Variants in DLC1 observed in about 807,000 individuals in gnomAD.
DLC1 encodes the protein DLC1 Rho GTPase activating protein, also known as rho GTPase-activating protein 7.
In DLC1, 54 loss-of-function variants were observed where a neutral mutation model predicts 140.3. The observed-to-expected ratio is 0.38, with a 90% CI of 0.31 to 0.48. The LOEUF (loss-of-function observed/expected upper bound fraction) is 0.48. DLC1 is among the 20% of genes least tolerant of loss of function. The pLI is 0.96. For missense variants in DLC1, 2,536 were observed against 1,907.0 expected (o/e 1.33, Z -6.14); for synonymous variants, 986 against 728.1 (o/e 1.35, Z -5.70).
intron 5 of DLC1, among the ~76,000 whole-genome samples, chr8:13,131,265 G>T (rs1430938808): frequency 6.6e-6 from 1 of 152,080 alleles, no homozygotes; most frequent in African/African-American, 2.4e-5. Context: ...TCTTGGAGCT[G>T]CTGATAGATT....
At chr8:13,236,397 T>C (rs1253342222) in intron 5 of DLC1, among the ~76,000 whole-genome samples, 3 of 152,108 alleles carry the variant, frequency 2.0e-5, no homozygotes, top group Admixed American at 6.5e-5. Flanking sequence ...ATTATGAGAT[T>C]CTATCTGTTC....
chr8:13,305,951 C>T (rs900163357), intron 4 of DLC1, among the ~76,000 whole-genome samples: 1 of 152,160 alleles, frequency 6.6e-6, no homozygotes, highest in Non-Finnish European at 1.5e-5. Flanking sequence ...GAAGCAAATT[C>T]GTTAGTTTCT....
At chr8:13,228,669 C>T (rs1441428033) in intron 5 of DLC1, among the ~76,000 whole-genome samples, 1 of 152,176 alleles carries the variant, frequency 6.6e-6, no homozygotes, top group Non-Finnish European at 1.5e-5. Flanking sequence ...AAGATTGCTT[C>T]AGCCCAGGAG....
At chr8:13,462,396 CTTTTT>C (rs869264457) in intron 2 of DLC1, among the ~76,000 whole-genome samples, 1 of 131,116 alleles carries the variant, frequency 7.6e-6, no homozygotes. Flanking sequence ...CATTACTATT[CTTTTT>C]TTTTTTTTTT....
At chr8:13,555,382 A>G (rs1804006607) in intron 1 of DLC1, among the ~76,000 whole-genome samples, 1 of 152,200 alleles carries the variant, frequency 6.6e-6, no homozygotes, top group African/African-American at 2.4e-5. Context: ...AAAAGACAAG[A>G]TAGCCATAGC....
intron 5 of DLC1, among the ~76,000 whole-genome samples, chr8:13,295,351 A>G (rs1563231738): frequency 6.6e-6 from 1 of 152,218 alleles, no homozygotes; most frequent in Non-Finnish European, 1.5e-5. Flanking sequence ...ATTTTAGTTA[A>G]GTAGAAATTT....
intron 1 of DLC1, among the ~76,000 whole-genome samples, chr8:13,592,362 A>G (rs1805541897): frequency 1.3e-5 from 2 of 151,752 alleles, no homozygotes; most frequent in Non-Finnish European, 2.9e-5. Flanking sequence ...TGTTTCGTTT[A>G]TATTTTTATA....
At chr8:13,467,818 C>T (rs1800009011) in intron 2 of DLC1, among the ~76,000 whole-genome samples, 1 of 152,108 alleles carries the variant, frequency 6.6e-6, no homozygotes, top group Non-Finnish European at 1.5e-5. Flanking sequence ...TTTCTCCTTT[C>T]ATCTGTTAAT....
At chr8:13,403,993 C>G (rs1034709705) in intron 2 of DLC1, among the ~76,000 whole-genome samples, 1 of 151,958 alleles carries the variant, frequency 6.6e-6, no homozygotes, top group Admixed American at 6.6e-5. Context: ...TACTTTCCAT[C>G]CAGTAATGCC....
chr8:13,436,459 G>A (rs146480151), intron 2 of DLC1, among the ~76,000 whole-genome samples: 58 of 152,164 alleles, frequency 3.8e-4, no homozygotes, highest in African/African-American at 8.4e-4. Flanking sequence ...GGACTGACCC[G>A]TTTTCAATCT....
Position 13,367,011 on chromosome 8 carries a change from C to T in DLC1, c.1314+26542G>A, listed in dbSNP as rs76009739. The stretch of plus-strand genomic sequence containing the variant: ...GTCTACTCACTCTCCCAACCACGAA[C>T]TTTGCCTCCTTTCCCTTTCCTCTCC... On this transcript the variant is annotated intron_variant, in intron 4 of 17. Transcript: ENST00000276297. 9.6e-3 allele frequency among the ~76,000 whole-genome samples: 1,467 copies of T among 152,268 alleles called. 21 individuals are homozygous for T. The highest frequency in any genetic ancestry group is 0.033 in the African/African-American group (1,385 of 41,558).
At chr8:13,581,730 C>T (rs1805105986) in intron 1 of DLC1, among the ~76,000 whole-genome samples, 1 of 152,162 alleles carries the variant, frequency 6.6e-6, no homozygotes, top group Non-Finnish European at 1.5e-5. Flanking sequence ...AGAATCTATT[C>T]TATCGCTTCC....
chr8:13,579,937 T>G (rs931827282), intron 1 of DLC1, among the ~76,000 whole-genome samples: 5 of 151,784 alleles, frequency 3.3e-5, no homozygotes, highest in Non-Finnish European at 7.4e-5. Flanking sequence ...ACAACAATGG[T>G]GACAGGATAG....
chr8:13,534,670 G>C (rs990768675), intron 1 of DLC1, among the ~76,000 whole-genome samples: 1 of 152,150 alleles, frequency 6.6e-6, no homozygotes, highest in East Asian at 1.9e-4. Flanking sequence ...AATTCACCGG[G>C]TGCTGTTTGC....
chr8:13,109,324 G>C (rs963592259), intron 7 of DLC1, among the ~76,000 whole-genome samples: 1 of 152,092 alleles, frequency 6.6e-6, no homozygotes, highest in Non-Finnish European at 1.5e-5. Flanking sequence ...TTGGGAGGCC[G>C]AGATGGATGA....
chr8:13,547,609 G>A (rs1056268782), intron 1 of DLC1, among the ~76,000 whole-genome samples: 1 of 152,018 alleles, frequency 6.6e-6, no homozygotes, highest in African/African-American at 2.4e-5. Flanking sequence ...GCCTCTGTCG[G>A]CAGCAGAGAC....
chr8:13,108,672 T>C (rs1819796594), intron 7 of DLC1, among the ~76,000 whole-genome samples: 1 of 152,216 alleles, frequency 6.6e-6, no homozygotes, highest in Non-Finnish European at 1.5e-5. Flanking sequence ...ATTGCTGCTG[T>C]CCAGAGTGCC....
At chr8:13,233,087 T>A (rs2697750) in intron 5 of DLC1, among the ~76,000 whole-genome samples, 1 of 151,608 alleles carries the variant, frequency 6.6e-6, no homozygotes, top group East Asian at 1.9e-4. Context: ...TTGAGGCCAG[T>A]AGTTTGAGAC....
chr8:13,355,655 T>C (rs950815867), intron 4 of DLC1, among the ~76,000 whole-genome samples: 1 of 152,302 alleles, frequency 6.6e-6, no homozygotes, highest in East Asian at 1.9e-4. Context: ...GGCTTCAATA[T>C]ATGAATTTTG....
Sources: gnomAD v4.1 joint callset for allele counts (sites outside exome capture counted in the v4.1 genomes callset) on GRCh38, gnomAD v4.1.1 for gene constraint, MANE v1.5 for transcripts, NCBI Gene and HGNC (gene_info 2026-07-23, HGNC 2026-07-21) for gene names.